The following BRIP1 variants were observed in gnomAD, a reference collection of about 807,000 sequenced individuals.
The protein encoded by BRIP1 is BRCA1 interacting DNA helicase 1.
BRIP1 carries 88 observed loss-of-function variants against 119.7 expected under a neutral mutation model. The observed-to-expected ratio is 0.74, with a 90% CI of 0.62 to 0.88. BRIP1 has a LOEUF of 0.88. Among genes scored for constraint, BRIP1 ranks in the 40% least tolerant of loss-of-function variants. The pLI, the probability that BRIP1 is intolerant of heterozygous loss-of-function variation, is 0.00. For synonymous variants in BRIP1, 443 were observed against 496.5 expected (o/e 0.89, Z 1.43); for missense variants, 1,259 against 1,455.4 (o/e 0.87, Z 2.20).
chr17:61,819,486 C>T (rs959466528), intron 6 of BRIP1, among the ~76,000 whole-genome samples: 6 of 152,128 alleles, frequency 3.9e-5, no homozygotes, highest in Non-Finnish European at 8.8e-5. Context: ...CCTAAGTGTC[C>T]ATCAACAGAT....
chr17:61,791,954 T>C (rs1305046869), intron 10 of BRIP1, among the ~76,000 whole-genome samples: 1 of 152,228 alleles, frequency 6.6e-6, no homozygotes, highest in African/African-American at 2.4e-5. Flanking sequence ...CACTCATATG[T>C]GTCATCTAAA....
rs1426441904 is a variant in BRIP1, at chr17:61,690,767, T to C, written c.2575+2663A>G. Among the ~76,000 whole-genome samples, 2 of 152,092 alleles carry C rather than the reference T, an allele frequency of 1.3e-5. No individual in the cohort carries two copies. Among genetic ancestry groups the C allele is most frequent in the Non-Finnish European group, 2.9e-5 (2 of 68,022 alleles). ...AAGTGAAATGATCTCTCTTTGCAGA[T>C]GACATGATCTTTTATGTGGAAAACC... On this transcript the variant is annotated intron_variant, in intron 18 of 19. Transcript: ENST00000259008. The surrounding 1 kb of genome is among the most constrained non-coding windows in gnomAD (Gnocchi z 5.6).
chr17:61,720,146 A>T lies in BRIP1; in HGVS notation c.2380-4083T>A, dbSNP rs1344434007. Among the ~76,000 whole-genome samples, 1 of 152,164 alleles carries T rather than the reference A, an allele frequency of 6.6e-6. No homozygotes were observed. Among genetic ancestry groups the T allele is most frequent in the Non-Finnish European group, 1.5e-5 (1 of 68,024 alleles). On this transcript the variant is annotated intron_variant, in intron 16 of 19. Coordinates refer to ENST00000259008, the MANE Select transcript of BRIP1 (RefSeq NM_032043.3). This position sits in a 1 kb window ranked among gnomAD's most constrained non-coding sequence, Gnocchi z 4.3. ...CCACTGCGTCTGGCTGAGATTTGTT[A>T]AAGGATATAAAGTTACAGCTAGATA...
At chr17:61,718,686 C>T (rs1039697204) in intron 16 of BRIP1, among the ~76,000 whole-genome samples, 2 of 152,140 alleles carry the variant, frequency 1.3e-5, no homozygotes, top group African/African-American at 4.8e-5. Context: ...TTTATTCTCC[C>T]TGAACTGTGG....
chr17:61,835,052 G>C (rs1296763456), intron 6 of BRIP1, among the ~76,000 whole-genome samples: 1 of 152,242 alleles, frequency 6.6e-6, no homozygotes, highest in Non-Finnish European at 1.5e-5. Context: ...ATATTGAGGA[G>C]ACAGTTTAAT....
At chr17:61,707,295 G>A (rs986894627) in intron 17 of BRIP1, among the ~76,000 whole-genome samples, 1 of 151,550 alleles carries the variant, frequency 6.6e-6, no homozygotes, top group Non-Finnish European at 1.5e-5. Flanking sequence ...GTAAGATAGA[G>A]ACCTGTCTTT....
Position 61,742,071 on chromosome 17 carries a change from G to A in BRIP1, c.2379+942C>T, listed in dbSNP as rs568691050. Among the ~76,000 whole-genome samples the A allele has an allele frequency of 2.6e-5, 4 of 152,360 alleles. No homozygotes were observed. The highest frequency in any genetic ancestry group is 9.6e-5 in the African/African-American group (4 of 41,588). ...GGCCAGATCTTCTGGATAACTTGCTGTAGCTTCTCCATCAGCACCTGCTGC... is the reference window on the plus strand; with the variant it reads ...GGCCAGATCTTCTGGATAACTTGCTATAGCTTCTCCATCAGCACCTGCTGC... On this transcript the variant is annotated intron_variant, in intron 16 of 19. Coordinates refer to ENST00000259008, the MANE Select transcript of BRIP1 (RefSeq NM_032043.3). This position sits in a 1 kb window ranked among gnomAD's most constrained non-coding sequence, Gnocchi z 4.7.
At chr17:61,773,975 T>G (rs1364905040) in intron 14 of BRIP1, among the ~76,000 whole-genome samples, 1 of 152,174 alleles carries the variant, frequency 6.6e-6, no homozygotes, top group African/African-American at 2.4e-5. Context: ...GGAACGCTTT[T>G]ACACTGTTGG....
chr17:61,737,291 T>A (rs941227266), intron 16 of BRIP1, among the ~76,000 whole-genome samples: 4 of 152,158 alleles, frequency 2.6e-5, no homozygotes, highest in Non-Finnish European at 5.9e-5. Flanking sequence ...CCAAATGGAT[T>A]TTTAAAAACC....
Position 61,808,903 on chromosome 17 carries a change from G to T in BRIP1, c.628-146C>A. ...CAAGAAATTATAGTATCTAAAACTT[G>T]CCATTAAAGAAAAAACTACAATTTA... On this transcript the variant is annotated intron_variant, in intron 6 of 19. Coordinates refer to ENST00000259008, the MANE Select transcript of BRIP1 (RefSeq NM_032043.3). The surrounding 1 kb of genome is among the most constrained non-coding windows in gnomAD (Gnocchi z 4.1). 1 of 823,822 alleles carries T rather than the reference G, an allele frequency of 1.2e-6. No homozygotes were observed. The highest frequency in any genetic ancestry group is 3.3e-4 in the Middle Eastern group (1 of 3,018). 51.0% of individuals were successfully genotyped at this position (823,822 alleles called of 1,614,324 possible). A position where few individuals can be genotyped will look rare whatever the true frequency, so the allele number is the denominator to read the frequency against.
chr17:61,813,256 TA>T lies in BRIP1; in HGVS notation c.628-4500del, dbSNP rs368563689. On this transcript the variant is annotated intron_variant, in intron 6 of 19. Coordinates refer to ENST00000259008, the MANE Select transcript of BRIP1 (RefSeq NM_032043.3). ...AAGGAAAACTAGGTCAATGAAACAG[TA>T]AAAAAAAAAAATACAAAAACTTGTG... 1.6e-3 allele frequency among the ~76,000 whole-genome samples: 236 copies of T among 143,402 alleles called. 1 individual carries two copies. Among genetic ancestry groups the T allele is most frequent in the African/African-American group, 1.6e-3 (63 of 39,114 alleles). The allele number at this position is 143,402 out of a possible 152,430, so 94.1% of individuals were successfully genotyped here.
chr17:61,781,156 A>T, intron 11 of BRIP1, 151 bp from the exon 12 acceptor site: 1 of 695,216 alleles, frequency 1.4e-6, no homozygotes, highest in Non-Finnish European at 2.4e-6. Context: ...CATTAATTAA[A>T]TTCAGTAATT....
chr17:61,782,462 G>A (rs1264001452), intron 11 of BRIP1, among the ~76,000 whole-genome samples: 1 of 150,994 alleles, frequency 6.6e-6, no homozygotes, highest in African/African-American at 2.4e-5. Flanking sequence ...TTTACTGGAT[G>A]TGACACTAAA....
At chr17:61,847,001 T>C (rs2078743144) in intron 6 of BRIP1, 100 bp downstream of exon 6, 4 of 1,464,638 alleles carry the variant, frequency 2.7e-6, no homozygotes, top group Non-Finnish European at 3.8e-6. Context: ...GGGTTGCTAC[T>C]GTCCTTTGTA....
chr17:61,800,236 A>T (rs1050366922), intron 8 of BRIP1, among the ~76,000 whole-genome samples: 1 of 152,180 alleles, frequency 6.6e-6, no homozygotes, highest in Non-Finnish European at 1.5e-5. Context: ...ACTGACTAAT[A>T]CAAGGAACTG....
rs1408397131 is a variant in BRIP1, at chr17:61,680,562, C to T, written c.*2734G>A. 6.8e-6 allele frequency among the ~76,000 whole-genome samples: 1 copy of T among 147,028 alleles called. No homozygotes were observed. Among genetic ancestry groups the T allele is most frequent in the African/African-American group, 2.6e-5 (1 of 39,210 alleles). The stretch of plus-strand genomic sequence containing the variant: ...TGGCGCAATCTCGGCTCACTGCAAG[C>T]TCCACCTCCCGGGTTCACGCCATTC... On this transcript the variant is annotated 3_prime_UTR_variant, in exon 20 of 20. Transcript: ENST00000259008.
rs2145832651 is a variant in BRIP1, at chr17:61,857,289, C to G, written c.206-58G>C. On this transcript the variant is annotated intron_variant, in intron 3 of 19. Coordinates refer to ENST00000259008, the MANE Select transcript of BRIP1 (RefSeq NM_032043.3). The surrounding 1 kb of genome is among the most constrained non-coding windows in gnomAD (Gnocchi z 5.1). ...TCTAATTAAATAAACATCAATCATT[C>G]TCTACAGCCCAGTTCACCCAGGATT... 1.4e-6 allele frequency: 2 copies of G among 1,446,090 alleles called. No individual in the cohort carries two copies. The highest frequency in any genetic ancestry group is 1.9e-6 in the Non-Finnish European group (2 of 1,058,036). 89.6% of individuals were successfully genotyped at this position (1,446,090 alleles called of 1,614,324 possible). A position where few individuals can be genotyped will look rare whatever the true frequency, so the allele number is the denominator to read the frequency against.
intron 4 of BRIP1, among the ~76,000 whole-genome samples, chr17:61,854,950 T>C (rs2145810176): frequency 6.6e-6 from 1 of 152,212 alleles, no homozygotes; most frequent in Admixed American, 6.5e-5. Context: ...AACAAACTAT[T>C]AATACATGCA....
chr17:61,822,630 T>G lies in BRIP1; in HGVS notation c.628-13873A>C, dbSNP rs2078343534. ...TTAAGGAAAGAGCTGAGACAAGGTT[T>G]CCTTGTGGAAGGACAGGAGAAAACA... On this transcript the variant is annotated intron_variant, in intron 6 of 19. Coordinates refer to ENST00000259008, the MANE Select transcript of BRIP1 (RefSeq NM_032043.3). This position sits in a 1 kb window ranked among gnomAD's most constrained non-coding sequence, Gnocchi z 4.4. 6.6e-6 allele frequency among the ~76,000 whole-genome samples: 1 copy of G among 152,202 alleles called. No individual in the cohort carries two copies. The highest frequency in any genetic ancestry group is 2.1e-4 in the South Asian group (1 of 4,838).
Sources: gnomAD v4.1 joint callset for allele counts (sites outside exome capture counted in the v4.1 genomes callset) on GRCh38, gnomAD v4.1.1 for gene constraint, Gnocchi (gnomAD v3.1) non-coding constraint, MANE v1.5 for transcripts, NCBI Gene and HGNC (gene_info 2026-07-23, HGNC 2026-07-21) for gene names.